The following L3MBTL4 variants were observed in gnomAD, a reference collection of about 807,000 sequenced individuals.
L3MBTL4 encodes the protein L3MBTL histone methyl-lysine binding protein 4.
In L3MBTL4, 70 loss-of-function variants were observed where a neutral mutation model predicts 84.5. That is an observed-to-expected ratio of 0.83 (90% CI 0.68 to 1.01). The LOEUF (loss-of-function observed/expected upper bound fraction) is 1.01, where lower values mean the gene tolerates loss of function less well. Among genes scored for constraint, L3MBTL4 ranks in the 50% least tolerant of loss-of-function variants. The pLI, the probability that L3MBTL4 is intolerant of heterozygous loss-of-function variation, is 0.00. For missense variants in L3MBTL4, 715 were observed against 754.8 expected, an observed-to-expected ratio of 0.95 and a Z score of 0.62; for synonymous variants, 274 against 259.8, an observed-to-expected ratio of 1.05 and a Z score of -0.52.
At chr18:6,252,098 G>A (rs2047947113) in intron 5 of L3MBTL4, among the ~76,000 whole-genome samples, 1 of 152,170 alleles carries the variant, frequency 6.6e-6, no homozygotes, top group Non-Finnish European at 1.5e-5. Context: ...GATCACCTGA[G>A]GTCAGGAGTT....
chr18:6,270,230 T>C lies in L3MBTL4; in HGVS notation c.128-6192A>G, dbSNP rs149828966. ...TTAGGCCACAGCTGCAGACTCACAT[T>C]TTAGTCCCTCTGCCAGGTCACTGTG... On this transcript the variant is annotated intron_variant, in intron 4 of 18. Coordinates refer to ENST00000317931, the MANE Select transcript of L3MBTL4 (RefSeq NM_001330559.2). Among the ~76,000 whole-genome samples, 44 of 152,350 alleles carry C rather than the reference T, an allele frequency of 2.9e-4. No individual in the cohort carries two copies. The East Asian group carries it at 7.7e-3, about 27-fold the overall frequency.
At position 6,093,401 on chromosome 18, in the gene L3MBTL4, T is replaced by C; in HGVS notation, c.1327A>G (p.Ser443Gly). Reference protein sequence around the residue: ...SSHSKSKSLCSLNFNGKHEKV... With the variant: ...SSHSKSKSLCGLNFNGKHEKV... The stretch of plus-strand genomic sequence containing the variant: ...TCATGTTTTCCATTGAAGTTCAAAC[T>C]ACAGAGGCTTTTTGATTTTGAATGT... Residue 443 changes from serine (S) to glycine (G), a missense_variant, in exon 15 of 19, where the codon AGT (serine) becomes GGT (glycine). Coordinates refer to ENST00000317931, the MANE Select transcript of L3MBTL4 (RefSeq NM_001330559.2). 1 of 1,613,452 alleles carries C rather than the reference T, an allele frequency of 6.2e-7. No homozygotes were observed. The highest frequency in any genetic ancestry group is 8.5e-7 in the Non-Finnish European group (1 of 1,179,836).
intron 16 of L3MBTL4, among the ~76,000 whole-genome samples, chr18:6,009,892 C>T (rs926988901): frequency 1.3e-5 from 2 of 148,894 alleles, no homozygotes; most frequent in East Asian, 2.0e-4. Context: ...TCTATTTAGC[C>T]TTAAATGAGA....
intron 16 of L3MBTL4, chr18:6,032,100 C>T: frequency 4.7e-6 from 1 of 214,168 alleles, no homozygotes; most frequent in South Asian, 6.4e-5. Context: ...GCCTCAGCTT[C>T]CCCAGTAGGT....
chr18:6,002,542 G>A (rs2054257778), intron 16 of L3MBTL4, among the ~76,000 whole-genome samples: 1 of 152,090 alleles, frequency 6.6e-6, no homozygotes, highest in African/African-American at 2.4e-5. Flanking sequence ...ACAAGTAACT[G>A]AAAAGTAGTG....
At chr18:6,401,781 C>T (rs1046114173) in intron 1 of L3MBTL4, among the ~76,000 whole-genome samples, 2 of 152,186 alleles carry the variant, frequency 1.3e-5, no homozygotes, top group African/African-American at 4.8e-5. Context: ...ATCACCAAGA[C>T]CAGGCTAACG....
At chr18:6,409,682 G>A (rs1301190139) in intron 1 of L3MBTL4, among the ~76,000 whole-genome samples, 2 of 152,150 alleles carry the variant, frequency 1.3e-5, no homozygotes, top group African/African-American at 2.4e-5. Context: ...CACCATCACC[G>A]AAAAGGGGAA....
Position 6,311,634 on chromosome 18 carries a change from C to G in L3MBTL4, c.-9G>C. 1.2e-6 allele frequency: 2 copies of G among 1,612,354 alleles called. No homozygotes were observed. The highest frequency in any genetic ancestry group is 1.7e-6 in the Non-Finnish European group (2 of 1,178,570). On this transcript the variant is annotated 5_prime_UTR_variant, in exon 3 of 19. Transcript: ENST00000317931. ...CTGTTGGGCTGTTTCATTGCCACCC[C>G]CGCACTCCTTGGCAGTGGTTTTCTG... is the stretch of plus-strand genomic sequence containing the variant.
intron 1 of L3MBTL4, among the ~76,000 whole-genome samples, chr18:6,362,155 G>A (rs796748490): frequency 1.8e-5 from 2 of 113,920 alleles, no homozygotes; most frequent in Non-Finnish European, 3.4e-5. Flanking sequence ...GGGAGGGGGG[G>A]AAGAGAAGGA....
intron 4 of L3MBTL4, among the ~76,000 whole-genome samples, chr18:6,266,805 C>A (rs901276047): frequency 9.2e-5 from 14 of 152,198 alleles, no homozygotes; most frequent in African/African-American, 3.4e-4. Flanking sequence ...TGCCTATAAT[C>A]CCAGCTACTT....
At chr18:5,985,575 G>A (rs1168749252) in intron 16 of L3MBTL4, among the ~76,000 whole-genome samples, 1 of 152,208 alleles carries the variant, frequency 6.6e-6, no homozygotes. Context: ...GAGGCTGCCT[G>A]GCTCCCAGGT....
At chr18:5,983,195 A>G (rs2053315186) in intron 16 of L3MBTL4, among the ~76,000 whole-genome samples, 1 of 152,196 alleles carries the variant, frequency 6.6e-6, no homozygotes, top group African/African-American at 2.4e-5. Flanking sequence ...TCTTCAAGTA[A>G]ATGACACTTG....
chr18:6,183,161 G>A (rs1044885387), intron 12 of L3MBTL4, among the ~76,000 whole-genome samples: 3 of 150,760 alleles, frequency 2.0e-5, no homozygotes, highest in Non-Finnish European at 4.4e-5. Flanking sequence ...TTTAATTCTT[G>A]TTAAGAAATC....
intron 4 of L3MBTL4, among the ~76,000 whole-genome samples, chr18:6,265,052 C>T (rs1244519642): frequency 6.6e-6 from 1 of 152,150 alleles, no homozygotes; most frequent in Non-Finnish European, 1.5e-5. Flanking sequence ...TAATGATATA[C>T]TACTAAGTAG....
chr18:5,981,910 T>G (rs1170786607), intron 16 of L3MBTL4, among the ~76,000 whole-genome samples: 1 of 151,346 alleles, frequency 6.6e-6, no homozygotes, highest in Admixed American at 6.6e-5. Context: ...CGATGCAACA[T>G]GCACAGACAC....
chr18:6,246,846 G>C (rs977551520), intron 5 of L3MBTL4, among the ~76,000 whole-genome samples: 1 of 152,156 alleles, frequency 6.6e-6, no homozygotes, highest in African/African-American at 2.4e-5. Flanking sequence ...GGAGGTTGCG[G>C]TGAGCCAAGA....
intron 1 of L3MBTL4, among the ~76,000 whole-genome samples, chr18:6,318,014 A>G (rs1003895949): frequency 6.6e-6 from 1 of 152,204 alleles, no homozygotes; most frequent in Non-Finnish European, 1.5e-5. Context: ...AAATTTCAAA[A>G]TGAAGGAGAA....
At chr18:6,081,176 C>G (rs1406679643) in intron 15 of L3MBTL4, 4 of 403,202 alleles carry the variant, frequency 9.9e-6, no homozygotes, top group African/African-American at 4.1e-5. Flanking sequence ...GCCTTTCCCC[C>G]CTCATTCTAT....
Position 6,241,387 on chromosome 18 carries a change from G to C in L3MBTL4, c.523C>G (p.Pro175Ala). The C allele has an allele frequency of 6.2e-7, 1 of 1,602,600 alleles. No homozygotes were observed. The highest frequency in any genetic ancestry group is 1.3e-5 in the African/African-American group (1 of 74,616). Residue 175 changes from proline to alanine, a missense_variant, in exon 8 of 19, where the codon CCA becomes GCA. Pro to Ala is a conservative substitution (Grantham distance 27). Coordinates refer to ENST00000317931, the MANE Select transcript of L3MBTL4 (RefSeq NM_001330559.2). ...YLKACKLQNA[P>A]KKLFRNRSPN... ...CTTCTGTTTCTGAATAATTTCTTTG[G>C]AGCATTTTGCAATTTGCAGGCCTTC... is the stretch of plus-strand genomic sequence containing the variant.
Sources: gnomAD v4.1 joint callset for allele counts (sites outside exome capture counted in the v4.1 genomes callset) on GRCh38, gnomAD v4.1.1 for gene constraint, MANE v1.5 for transcripts, NCBI Gene and HGNC (gene_info 2026-07-23, HGNC 2026-07-21) for gene names.